The following DENND4C variants were observed in gnomAD, a reference collection of about 807,000 sequenced individuals.
DENND4C encodes the protein DENN domain-containing protein 4C.
A neutral mutation model predicts 203.0 loss-of-function variants in DENND4C; 108 were observed. The ratio of observed to expected loss-of-function variants is 0.53; its 90% confidence interval spans 0.46 to 0.62. The LOEUF is 0.62. DENND4C is among the 20% of genes least tolerant of loss of function. The pLI, the probability that DENND4C is intolerant of heterozygous loss-of-function variation, is 0.00. For missense variants in DENND4C, 2,481 were observed against 2,301.2 expected (o/e 1.08, Z -1.60); for synonymous variants, 871 against 792.4 (o/e 1.10, Z -1.67).
chr9:19,303,876 A>G (rs1839098900), intron 9 of DENND4C, among the ~76,000 whole-genome samples: 1 of 151,578 alleles, frequency 6.6e-6, no homozygotes, highest in African/African-American at 2.4e-5. Context: ...AAATTTATTC[A>G]TTTATTTAAT....
At chr9:19,285,664 A>G (rs1189706640) in intron 2 of DENND4C, among the ~76,000 whole-genome samples, 1 of 151,712 alleles carries the variant, frequency 6.6e-6, no homozygotes, top group African/African-American at 2.4e-5. Context: ...AAGGTCACAA[A>G]GATTTATTTC....
intron 23 of DENND4C, among the ~76,000 whole-genome samples, chr9:19,347,903 T>TA (rs1823252526): frequency 1.3e-5 from 2 of 152,178 alleles, no homozygotes; most frequent in African/African-American, 2.4e-5. Flanking sequence ...TAATTGTCTT[T>TA]AAAAAAACGT....
At chr9:19,318,943 C>G (rs1842294883) in intron 12 of DENND4C, among the ~76,000 whole-genome samples, 2 of 152,006 alleles carry the variant, frequency 1.3e-5, no homozygotes, top group Admixed American at 6.6e-5. Flanking sequence ...CCAAGGCAGG[C>G]TGATCACCTG....
At chr9:19,239,842 T>C (rs942320402) in intron 1 of DENND4C, among the ~76,000 whole-genome samples, 15 of 152,362 alleles carry the variant, frequency 9.8e-5, no homozygotes, top group African/African-American at 3.4e-4. Context: ...ATATGGTTTA[T>C]CTTGGTGAAT....
chr9:19,296,327 CA>C, intron 6 of DENND4C, 81 bp downstream of exon 6: 1 of 899,518 alleles, frequency 1.1e-6, no homozygotes, highest in Non-Finnish European at 1.6e-6. Context: ...TTTTTAGCAG[CA>C]AAGTTGGAAG....
intron 1 of DENND4C, among the ~76,000 whole-genome samples, chr9:19,269,457 C>A (rs557031270): frequency 2.0e-5 from 3 of 152,168 alleles, no homozygotes; most frequent in Admixed American, 6.5e-5. Flanking sequence ...CCGTGTCCGG[C>A]CCCTTGACTG....
chr9:19,347,174 T>G, intron 23 of DENND4C, 88 bp downstream of exon 23: 2 of 1,325,746 alleles, frequency 1.5e-6, no homozygotes, highest in Non-Finnish European at 2.1e-6. Flanking sequence ...TTCAGAGATT[T>G]CTGTGCCCAG....
chr9:19,360,524 C>A, intron 29 of DENND4C, 35 bp downstream of exon 29: 1 of 1,612,490 alleles, frequency 6.2e-7, no homozygotes, highest in South Asian at 1.1e-5. Context: ...CATTAGTATT[C>A]AGTAGGATGA....
At position 19,352,749 on chromosome 9, in the gene DENND4C, G is replaced by C. The variant is rs112488236; in HGVS notation, c.4781+84G>C. On this transcript the variant is annotated intron_variant, in intron 26 of 32. Coordinates refer to ENST00000434457, the MANE Select transcript of DENND4C (RefSeq NM_001330640.2). ...GAGAAGAGTGAAATATTCCTGGTAT[G>C]CTCCAGGTCTGCCTTCCTGTCTGTC... The C allele has an allele frequency of 4.3e-4, 472 of 1,102,300 alleles. 3 individuals are homozygous for C. The African/African-American group carries it at 6.4e-3, about 15-fold the overall frequency. 68.3% of individuals were successfully genotyped at this position (1,102,300 alleles called of 1,614,324 possible).
At chr9:19,357,692 G>T in intron 27 of DENND4C, 1 of 301,834 alleles carries the variant, frequency 3.3e-6, no homozygotes, top group Non-Finnish European at 6.1e-6. Flanking sequence ...TTTGAGTAAA[G>T]CAACTGAATG....
At chr9:19,313,672 G>A (rs1181758029) in intron 10 of DENND4C, among the ~76,000 whole-genome samples, 2 of 152,164 alleles carry the variant, frequency 1.3e-5, no homozygotes, top group Non-Finnish European at 2.9e-5. Flanking sequence ...GGAAGTGTTA[G>A]CTCTTTTATT....
upstream of DENND4C, chr9:19,230,675 G>T (rs1588693526): frequency 6.6e-6 from 1 of 152,128 alleles, no homozygotes. Context: ...GACCCTGCCC[G>T]CGAGGCGGCG....
intron 26 of DENND4C, among the ~76,000 whole-genome samples, chr9:19,356,445 C>G (rs779531322): frequency 1.3e-5 from 2 of 152,004 alleles, no homozygotes; most frequent in Non-Finnish European, 2.9e-5. Context: ...AGGCCCTTCC[C>G]TCCTCAAGTC....
intron 3 of DENND4C, among the ~76,000 whole-genome samples, chr9:19,287,825 C>A (rs1241058824): frequency 6.6e-6 from 1 of 152,180 alleles, no homozygotes; most frequent in African/African-American, 2.4e-5. Context: ...CTCCACCTCC[C>A]AGGTTCAAGC....
chr9:19,369,776 AAAATAATAAT>A, intron 30 of DENND4C, 51 bp from the exon 31 acceptor site: 2 of 1,034,526 alleles, frequency 1.9e-6, no homozygotes, highest in Non-Finnish European at 2.5e-6. Flanking sequence ...CAAAAAAAAA[AAAATAATAAT>A]AATAATAATA....
At chr9:19,314,093 A>G (rs1327195068) in intron 10 of DENND4C, among the ~76,000 whole-genome samples, 1 of 151,274 alleles carries the variant, frequency 6.6e-6, no homozygotes, top group Admixed American at 6.6e-5. Flanking sequence ...AGAGAGGGGA[A>G]AAAAAAGAAT....
intron 12 of DENND4C, among the ~76,000 whole-genome samples, chr9:19,317,345 A>G (rs1274921499): frequency 1.3e-5 from 2 of 152,082 alleles, no homozygotes; most frequent in African/African-American, 2.4e-5. Context: ...TGGCTTTACA[A>G]TTAGTTTGTG....
chr9:19,336,818 A>G lies in DENND4C; in HGVS notation c.2867A>G (p.Asn956Ser). The change falls in exon 20 of 33, where the codon AAT becomes AGT. Residue 956 changes from asparagine to serine, a missense_variant. Transcript: ENST00000434457. ...TTAATCAGGCTTGAGTCCATTGATA[A>G]TCACTCTAGCACAGGTACTAAAATC... ...RDLIRLESID[N>S]HSSTGGQSDQ... 2 of 1,550,562 alleles carry G rather than the reference A, an allele frequency of 1.3e-6. No homozygotes were observed. The highest frequency in any genetic ancestry group is 1.2e-5 in the South Asian group (1 of 84,058).
At chr9:19,370,973 G>A (rs1478562482) in intron 31 of DENND4C, among the ~76,000 whole-genome samples, 1 of 152,198 alleles carries the variant, frequency 6.6e-6, no homozygotes, top group East Asian at 1.9e-4. Context: ...TTGAGGTAGA[G>A]ATGACCTTCT....
Sources: allele counts gnomAD v4.1 joint callset (sites outside exome capture counted in the v4.1 genomes callset), GRCh38; gene constraint gnomAD v4.1.1; transcripts MANE v1.5; gene names NCBI Gene and HGNC (gene_info 2026-07-23, HGNC 2026-07-21).